The following HCN1 variants were observed in gnomAD, a reference collection of about 807,000 sequenced individuals.
HCN1 encodes hyperpolarization activated cyclic nucleotide gated potassium channel 1, also known as potassium/sodium hyperpolarization-activated cyclic nucleotide-gated channel 1.
Under a neutral mutation model 78.9 loss-of-function variants are expected in HCN1, and 13 were observed. The observed-to-expected ratio is 0.16, with a 90% confidence interval of 0.11 to 0.26. The LOEUF (loss-of-function observed/expected upper bound fraction) is 0.26, where lower values mean the gene tolerates loss of function less well. HCN1 is among the 10% of genes least tolerant of loss of function. The pLI is 1.00. For synonymous variants in HCN1, 552 were observed against 455.5 expected, an observed-to-expected ratio of 1.21 and a Z score of -2.70; for missense variants, 810 against 1,154.3, an observed-to-expected ratio of 0.70 and a Z score of 4.32.
In HCN1 at chr5:45,599,007, G is replaced by A. The variant is rs35095584; in HGVS notation, c.849+46178C>T. Among the ~76,000 whole-genome samples the A allele has an allele frequency of 3.3e-4, 50 of 152,250 alleles. 1 individual carries two copies. In the East Asian group the frequency reaches 7.0e-3, roughly 21 times the overall value. ...CAACCATTGTGGAGCACAGTGTGGC[G>A]GTTCCTCAAGGATCTAGAACTAGAA... On this transcript the variant is annotated intron_variant, in intron 2 of 7. Transcript: ENST00000303230.
At chr5:45,269,712 C>T (rs187322967) in intron 6 of HCN1, among the ~76,000 whole-genome samples, 3 of 152,276 alleles carry the variant, frequency 2.0e-5, no homozygotes, top group African/African-American at 7.2e-5. Flanking sequence ...TTTCCCCCCA[C>T]TATCCTCAGG....
chr5:45,497,288 T>C (rs1742059562), intron 2 of HCN1, among the ~76,000 whole-genome samples: 1 of 152,188 alleles, frequency 6.6e-6, no homozygotes, highest in Non-Finnish European at 1.5e-5. Flanking sequence ...ATCTGTCTAA[T>C]GTTGACAGTG....
intron 4 of HCN1, among the ~76,000 whole-genome samples, chr5:45,373,278 T>C (rs1175986248): frequency 1.7e-5 from 2 of 114,408 alleles, no homozygotes; most frequent in East Asian, 2.3e-4. Context: ...ATATATATTT[T>C]ATATTATATA....
intron 2 of HCN1, among the ~76,000 whole-genome samples, chr5:45,482,148 T>C (rs755858687): frequency 6.6e-6 from 1 of 152,156 alleles, no homozygotes; most frequent in Non-Finnish European, 1.5e-5. Flanking sequence ...CTGGAAACGA[T>C]TAAACCAGAA....
intron 2 of HCN1, among the ~76,000 whole-genome samples, chr5:45,478,118 C>T (rs998868731): frequency 6.6e-6 from 1 of 151,964 alleles, no homozygotes; most frequent in African/African-American, 2.4e-5. Context: ...TGTGCCACTG[C>T]ACTCCAGCCT....
intron 2 of HCN1, among the ~76,000 whole-genome samples, chr5:45,623,405 T>A (rs1488050078): frequency 1.3e-5 from 2 of 152,150 alleles, no homozygotes; most frequent in Non-Finnish European, 2.9e-5. Context: ...TCACATCACT[T>A]CCATCTCTGA....
chr5:45,606,538 T>G (rs1278597095), intron 2 of HCN1, among the ~76,000 whole-genome samples: 1 of 151,764 alleles, frequency 6.6e-6, no homozygotes, highest in African/African-American at 2.4e-5. Context: ...TTCAAGCAGG[T>G]GGAAAGTTGG....
chr5:45,588,180 A>G (rs1263611956), intron 2 of HCN1, among the ~76,000 whole-genome samples: 1 of 152,204 alleles, frequency 6.6e-6, no homozygotes, highest in Non-Finnish European at 1.5e-5. Context: ...CAAAAAATAT[A>G]TAATCCCCTA....
chr5:45,679,513 G>T (rs2112086687), intron 1 of HCN1, among the ~76,000 whole-genome samples: 1 of 151,988 alleles, frequency 6.6e-6, no homozygotes, highest in East Asian at 1.9e-4. Context: ...TACTTATTTT[G>T]GGTATTTAAA....
chr5:45,453,353 G>A (rs888040514), intron 3 of HCN1, among the ~76,000 whole-genome samples: 3 of 151,944 alleles, frequency 2.0e-5, no homozygotes, highest in East Asian at 1.9e-4. Flanking sequence ...TATGTGAAAC[G>A]TAAATATATG....
chr5:45,587,106 G>A (rs986167225), intron 2 of HCN1, among the ~76,000 whole-genome samples: 7 of 152,304 alleles, frequency 4.6e-5, no homozygotes, highest in East Asian at 1.9e-4. Flanking sequence ...TGGTGGGACC[G>A]TAAACTAGTT....
At chr5:45,540,199 G>A (rs2111824935) in intron 2 of HCN1, among the ~76,000 whole-genome samples, 1 of 151,800 alleles carries the variant, frequency 6.6e-6, no homozygotes, top group African/African-American at 2.4e-5. Context: ...AGAGACTTAT[G>A]CCAACAAATA....
chr5:45,615,316 A>T (rs759734560), intron 2 of HCN1, among the ~76,000 whole-genome samples: 1 of 152,044 alleles, frequency 6.6e-6, no homozygotes, highest in Non-Finnish European at 1.5e-5. Context: ...GACCTCAGAG[A>T]AGTAAAGTAT....
chr5:45,374,018 A>G (rs1747513438), intron 4 of HCN1, among the ~76,000 whole-genome samples: 1 of 108,164 alleles, frequency 9.2e-6, no homozygotes, highest in Non-Finnish European at 1.8e-5. Flanking sequence ...CATAATATAT[A>G]TTATATATAT....
rs1743653510 is a variant in HCN1, at chr5:45,563,782, TACAA to T, written c.849+81399_849+81402del. Among the ~76,000 whole-genome samples the T allele has an allele frequency of 2.6e-5, 4 of 152,316 alleles. No homozygotes were observed. The South Asian group carries it at 8.3e-4, about 32-fold the overall frequency. On this transcript the variant is annotated intron_variant, in intron 2 of 7. Transcript: ENST00000303230. ...ATACAACACTTTTTATAAGGTGCCT[TACAA>T]ACATTTTGTCTAATTCACCCAATAA...
At chr5:45,519,201 G>A (rs896577987) in intron 2 of HCN1, among the ~76,000 whole-genome samples, 5 of 151,984 alleles carry the variant, frequency 3.3e-5, no homozygotes, top group African/African-American at 1.2e-4. Flanking sequence ...ACTGGGAAAT[G>A]AGAATCTGAG....
intron 4 of HCN1, among the ~76,000 whole-genome samples, chr5:45,373,380 T>A (rs1156883351): frequency 2.7e-5 from 3 of 111,840 alleles, no homozygotes; most frequent in Non-Finnish European, 4.9e-5. Flanking sequence ...ATATTTTATA[T>A]AATATATGTA....
intron 3 of HCN1, among the ~76,000 whole-genome samples, chr5:45,439,288 A>G (rs926393909): frequency 3.0e-4 from 46 of 152,206 alleles, no homozygotes; most frequent in African/African-American, 1.1e-3. Context: ...ATGGCTCCCA[A>G]AATCTCTCTC....
intron 4 of HCN1, among the ~76,000 whole-genome samples, chr5:45,379,428 A>G (rs1747759167): frequency 6.6e-6 from 1 of 152,088 alleles, no homozygotes; most frequent in Non-Finnish European, 1.5e-5. Flanking sequence ...TTGAGAAATT[A>G]AAACTTAAAT....
Sources: allele counts gnomAD v4.1 joint callset (sites outside exome capture counted in the v4.1 genomes callset), GRCh38; gene constraint gnomAD v4.1.1; transcripts MANE v1.5; gene names NCBI Gene and HGNC (gene_info 2026-07-23, HGNC 2026-07-21).